The following LONRF3 variants were observed in gnomAD, a reference collection of about 807,000 sequenced individuals.
The protein encoded by LONRF3 is LON peptidase N-terminal domain and RING finger protein 3.
Under a neutral mutation model 51.7 loss-of-function variants are expected in LONRF3, and 19 were observed. The ratio of observed to expected loss-of-function variants is 0.37; its 90% CI spans 0.26 to 0.54. LONRF3 has a LOEUF of 0.54. Among genes scored for constraint, LONRF3 ranks in the 20% least tolerant of loss-of-function variants. The probability of loss-of-function intolerance (pLI) is 0.86; values close to 1 mark genes in which losing one functional copy is unlikely to be tolerated. For synonymous variants in LONRF3, 265 were observed against 257.8 expected (o/e 1.03, Z -0.27); for missense variants, 521 against 623.9 (o/e 0.84, Z 1.76).
chrX:118,978,969 TTCTC>T (rs376699119), intron 2 of LONRF3, among the ~76,000 whole-genome samples: 4 of 106,736 alleles, frequency 3.7e-5, no homozygotes, highest in East Asian at 5.9e-4. Flanking sequence ...CTTCCTTCCT[TTCTC>T]TCTCTCTCTC....
intron 4 of LONRF3, 30 bp from the exon 5 acceptor site, chrX:118,990,440 A>G (rs1361222312): frequency 8.9e-7 from 1 of 1,126,403 alleles, no homozygotes; most frequent in Non-Finnish European, 1.2e-6. Flanking sequence ...GGGTGGCTCC[A>G]GCGCTGACTT....
At chrX:118,998,404 A>G (rs865966900) in intron 5 of LONRF3, among the ~76,000 whole-genome samples, 10 of 111,192 alleles carry the variant, frequency 9.0e-5, no homozygotes, top group Non-Finnish European at 1.9e-4. Context: ...GTGGGAGCTA[A>G]GCTATAAGGA....
chrX:118,974,627 C>T lies in LONRF3; in HGVS notation c.-154C>T. 1 of 463,384 alleles carries T rather than the reference C, an allele frequency of 2.2e-6. No homozygotes were observed. The highest frequency in any genetic ancestry group is 3.7e-6 in the Non-Finnish European group (1 of 266,680). The allele number at this position is 463,384 out of a possible 1,213,427, so 38.2% of individuals were successfully genotyped here. ...CTGAGACAAGACAGTTATTAGGCGG[C>T]GCGGGGCGGCCGGCATGGAGCTCCC... On this transcript the variant is annotated 5_prime_UTR_variant, in exon 1 of 11. Transcript: ENST00000371628.
chrX:118,982,743 CT>C, intron 2 of LONRF3, 77 bp from the exon 3 acceptor site: 1 of 1,135,399 alleles, frequency 8.8e-7, no homozygotes, highest in Non-Finnish European at 1.2e-6. Flanking sequence ...ACAGTGAGTG[CT>C]GTGGGTTAGT....
At chrX:118,995,051 T>G (rs79556072) in intron 5 of LONRF3, among the ~76,000 whole-genome samples, 4,479 of 111,940 alleles carry the variant, frequency 0.04, 243 homozygotes, top group African/African-American at 0.14. Context: ...TATTCAACAG[T>G]GCATGAAACT....
Position 118,982,787 on chromosome X carries a change from T to A in LONRF3, c.937-34T>A, listed in dbSNP as rs369547672. The stretch of plus-strand genomic sequence containing the variant: ...AGAGCAGTAGTGTTAATAGGCTGAA[T>A]AAAATGGGATTGAATGCTAATGTTT... On this transcript the variant is annotated intron_variant, in intron 2 of 10. Transcript: ENST00000371628. 5.0e-6 allele frequency: 6 copies of A among 1,207,668 alleles called. No homozygotes were observed. In the African/African-American group the frequency reaches 1.1e-4, roughly 21 times the overall value.
At chrX:118,993,423 A>G (rs192688772) in intron 5 of LONRF3, among the ~76,000 whole-genome samples, 1 of 111,877 alleles carries the variant, frequency 8.9e-6, no homozygotes, top group Non-Finnish European at 1.9e-5. Context: ...TAGAAGAAAG[A>G]AATTCAGAGC....
chrX:119,017,437 T>G, intron 10 of LONRF3, 98 bp from the exon 11 acceptor site: 1 of 834,165 alleles, frequency 1.2e-6, no homozygotes, highest in Non-Finnish European at 1.7e-6. Context: ...CCACATGGAG[T>G]TGTTCTACCT....
intron 9 of LONRF3, among the ~76,000 whole-genome samples, 186 bp downstream of exon 9, chrX:119,013,387 G>C (rs1242764460): frequency 8.9e-6 from 1 of 112,315 alleles, no homozygotes; most frequent in African/African-American, 3.2e-5. Context: ...GGCGCCTACT[G>C]TCCTGGCTCT....
intron 3 of LONRF3, among the ~76,000 whole-genome samples, chrX:118,987,860 A>G (rs1357339150): frequency 8.9e-6 from 1 of 112,093 alleles, no homozygotes. Flanking sequence ...CGTATTTGTA[A>G]CAGAGAAGAG....
chrX:118,975,257 G>C lies in LONRF3; in HGVS notation c.477G>C (p.Arg159=), dbSNP rs1921915018. 1 of 1,209,258 alleles carries C rather than the reference G, an allele frequency of 8.3e-7. No homozygotes were observed. The highest frequency in any genetic ancestry group is 1.1e-6 in the Non-Finnish European group (1 of 894,716). Reference sequence around the variant, plus strand: ...AGGTGTGGGACGGCTTTAAGTGCCGGAAATGTCATGGGTTTCTATCAGACC... The same window carrying C: ...AGGTGTGGGACGGCTTTAAGTGCCGCAAATGTCATGGGTTTCTATCAGACC... The part of the protein sequence containing the change: ...ATEVWDGFKC[R]KCHGFLSDPV... The change falls in exon 1 of 11, where the codon CGG becomes CGC. Residue 159 remains arginine (R), a synonymous_variant. Coordinates refer to ENST00000371628, the MANE Select transcript of LONRF3 (RefSeq NM_001031855.3).
At chrX:118,989,146 C>G (rs1021649174) in intron 3 of LONRF3, among the ~76,000 whole-genome samples, 3 of 111,372 alleles carry the variant, frequency 2.7e-5, no homozygotes, top group Admixed American at 9.5e-5. Context: ...CAAGGAGGCT[C>G]TCCTCCTACA....
At chrX:118,994,384 C>A (rs182011372) in intron 5 of LONRF3, among the ~76,000 whole-genome samples, 25 of 103,467 alleles carry the variant, frequency 2.4e-4, no homozygotes, top group Non-Finnish European at 9.8e-5. Flanking sequence ...GCAGGGGTAG[C>A]TATTTTTATA....
intron 5 of LONRF3, among the ~76,000 whole-genome samples, chrX:118,996,215 A>G (rs1285621851): frequency 1.8e-5 from 2 of 111,538 alleles, no homozygotes; most frequent in East Asian, 5.6e-4. Context: ...ATAATACTGA[A>G]CGGGGAAAAG....
Position 118,982,899 on chromosome X carries a change from T to C in LONRF3, c.1015T>C (p.Ser339Pro), listed in dbSNP as rs1922677116. ...EALREFLYCV[S>P]LDGKNKRARC... is the part of the protein sequence containing the mutation. ...ACTAAGGGAGTTTCTCTACTGTGTA[T>C]CCCTTGATGGAAAGAACAAGAGAGC... The change falls in exon 3 of 11, where the codon TCC becomes CCC. Residue 339 changes from serine to proline, a missense_variant. Physicochemically the swap from Ser to Pro is moderately conservative, Grantham distance 74. This residue lies in a region of LONRF3 where 376 missense variants were observed against 376.7 expected (regional missense o/e 1.00). Transcript: ENST00000371628. The C allele has an allele frequency of 8.3e-7, 1 of 1,209,109 alleles. No homozygotes were observed.
chrX:119,014,296 C>G lies in LONRF3; in HGVS notation c.2064C>G (p.Ser688=). The change falls in exon 10 of 11, where the codon TCC becomes TCG. Residue 688 remains serine, a synonymous_variant. Transcript: ENST00000371628. ...TGTGGTTTCATTCGCTCAAATTATC[C>G]CTAAAGAATCGGATACTCAATCACT... The part of the protein sequence containing the change: ...ASLWFHSLKL[S]LKNRILNHFG... 8.3e-7 allele frequency: 1 copy of G among 1,210,000 alleles called. No individual in the cohort carries two copies. Among genetic ancestry groups the G allele is most frequent in the Non-Finnish European group, 1.1e-6 (1 of 894,290 alleles).
chrX:118,987,850 C>T (rs913538709), intron 3 of LONRF3, among the ~76,000 whole-genome samples: 3 of 111,588 alleles, frequency 2.7e-5, no homozygotes, highest in Admixed American at 9.5e-5. Context: ...GCTTCCAATA[C>T]GTATTTGTAA....
intron 10 of LONRF3, among the ~76,000 whole-genome samples, chrX:119,015,360 A>G (rs1193354178): frequency 8.9e-6 from 1 of 112,039 alleles, no homozygotes; most frequent in Admixed American, 9.4e-5. Flanking sequence ...CATCTCTGAC[A>G]TGAGGAGGGT....
chrX:119,004,962 C>T (rs983787163), intron 5 of LONRF3, among the ~76,000 whole-genome samples: 2 of 112,308 alleles, frequency 1.8e-5, no homozygotes, highest in East Asian at 2.8e-4. Flanking sequence ...GTTGGCTGTG[C>T]GCACTTAGAC....
Sources: allele counts gnomAD v4.1 joint callset (sites outside exome capture counted in the v4.1 genomes callset), GRCh38; gene constraint gnomAD v4.1.1; regional missense constraint gnomAD v4.1.1; transcripts MANE v1.5; gene names NCBI Gene and HGNC (gene_info 2026-07-23, HGNC 2026-07-21).